The following CNTNAP2 variants were observed in gnomAD, a reference collection of about 807,000 sequenced individuals.
CNTNAP2 encodes contactin-associated protein-like 2.
Under a neutral mutation model 155.2 loss-of-function variants are expected in CNTNAP2, and 98 were observed. That is an observed-to-expected ratio of 0.63 (90% confidence interval 0.54 to 0.75). The LOEUF (loss-of-function observed/expected upper bound fraction) is 0.75, where lower values mean the gene tolerates loss of function less well. Ranked by LOEUF, CNTNAP2 falls within the 30% of genes least tolerant of loss-of-function variation. CNTNAP2 has a pLI of 0.00. For missense variants in CNTNAP2, 1,727 were observed against 1,688.1 expected (o/e 1.02, Z -0.40); for synonymous variants, 651 against 631.2 (o/e 1.03, Z -0.47).
At chr7:147,417,608 A>G (rs1289505982) in intron 10 of CNTNAP2, among the ~76,000 whole-genome samples, 2 of 152,246 alleles carry the variant, frequency 1.3e-5, no homozygotes, top group Admixed American at 6.5e-5. Flanking sequence ...GTTAAATTTT[A>G]GTTTTGGAAA....
intron 3 of CNTNAP2, among the ~76,000 whole-genome samples, chr7:146,904,645 G>A (rs892936374): frequency 6.6e-6 from 1 of 152,012 alleles, no homozygotes; most frequent in African/African-American, 2.4e-5. Context: ...CTAATTTTTT[G>A]TATTTTTAGT....
intron 3 of CNTNAP2, among the ~76,000 whole-genome samples, chr7:146,881,215 A>T (rs1203233710): frequency 6.6e-6 from 1 of 152,132 alleles, no homozygotes; most frequent in African/African-American, 2.4e-5. Flanking sequence ...CTACAGGAAA[A>T]GCCAATAAAA....
chr7:147,025,866 A>T (rs7807117), intron 3 of CNTNAP2, among the ~76,000 whole-genome samples: 9,403 of 94,612 alleles, frequency 0.099, 793 homozygotes, highest in African/African-American at 0.32. Context: ...TTTTTTTTTT[A>T]AATTTTTATA....
At chr7:146,267,814 G>A (rs937004148) in intron 1 of CNTNAP2, among the ~76,000 whole-genome samples, 3 of 152,122 alleles carry the variant, frequency 2.0e-5, no homozygotes, top group Admixed American at 6.5e-5. Flanking sequence ...TACTATGGGG[G>A]CATAAATCCT....
intron 8 of CNTNAP2, among the ~76,000 whole-genome samples, chr7:147,188,979 T>C (rs1802625548): frequency 6.6e-6 from 1 of 152,196 alleles, no homozygotes; most frequent in African/African-American, 2.4e-5. Flanking sequence ...TCCAAAATGA[T>C]TAATTACCAC....
chr7:146,760,662 C>A (rs1218126787), intron 1 of CNTNAP2, among the ~76,000 whole-genome samples: 1 of 151,666 alleles, frequency 6.6e-6, no homozygotes, highest in African/African-American at 2.4e-5. Context: ...TGAGCTCAAG[C>A]TATCTGCCTG....
chr7:146,784,126 A>G (rs1802534780), intron 2 of CNTNAP2, among the ~76,000 whole-genome samples: 1 of 152,130 alleles, frequency 6.6e-6, no homozygotes, highest in African/African-American at 2.4e-5. Context: ...GAGTTTTTCA[A>G]TTTTGGACTT....
intron 17 of CNTNAP2, among the ~76,000 whole-genome samples, chr7:148,168,051 G>A (rs977037903): frequency 1.4e-4 from 22 of 152,052 alleles, no homozygotes; most frequent in African/African-American, 5.1e-4. Flanking sequence ...TCATTAAAAA[G>A]TCAGGAAACA....
intron 9 of CNTNAP2, among the ~76,000 whole-genome samples, chr7:147,366,842 A>G (rs572422520): frequency 1.3e-5 from 2 of 151,876 alleles, no homozygotes; most frequent in African/African-American, 4.8e-5. Context: ...TTCTAATATA[A>G]TTGCATTATA....
chr7:147,395,205 C>T (rs1796792794), intron 9 of CNTNAP2, among the ~76,000 whole-genome samples: 1 of 151,822 alleles, frequency 6.6e-6, no homozygotes, highest in African/African-American at 2.4e-5. Flanking sequence ...ATCAAAGAAA[C>T]AAGAAGAAGA....
intron 1 of CNTNAP2, among the ~76,000 whole-genome samples, chr7:146,247,121 A>G (rs1799673072): frequency 6.6e-6 from 1 of 152,152 alleles, no homozygotes; most frequent in Non-Finnish European, 1.5e-5. Flanking sequence ...TTGACCTTTC[A>G]GGGTCTAGGG....
chr7:147,364,804 G>A (rs1270734070), intron 9 of CNTNAP2, among the ~76,000 whole-genome samples: 3 of 151,530 alleles, frequency 2.0e-5, no homozygotes, highest in African/African-American at 7.3e-5. Context: ...AGCCGAGATC[G>A]CGCCACTGCA....
intron 20 of CNTNAP2, among the ~76,000 whole-genome samples, chr7:148,242,839 T>C (rs1350084914): frequency 6.6e-6 from 1 of 152,250 alleles, no homozygotes; most frequent in East Asian, 1.9e-4. Context: ...AGTGCACAAA[T>C]TCTTCCTGCT....
intron 1 of CNTNAP2, among the ~76,000 whole-genome samples, chr7:146,626,188 CAAT>C (rs1425537951): frequency 6.6e-6 from 1 of 152,016 alleles, no homozygotes; most frequent in African/African-American, 2.4e-5. Flanking sequence ...AACACATTAA[CAAT>C]AATGTTTACT....
At chr7:147,406,654 G>A (rs1265150560) in intron 10 of CNTNAP2, among the ~76,000 whole-genome samples, 1 of 152,140 alleles carries the variant, frequency 6.6e-6, no homozygotes, top group Non-Finnish European at 1.5e-5. Context: ...AGGAATATTA[G>A]AGTCTGAATC....
chr7:146,689,286 G>T (rs181164765), intron 1 of CNTNAP2, among the ~76,000 whole-genome samples: 2 of 151,976 alleles, frequency 1.3e-5, no homozygotes, highest in East Asian at 3.9e-4. Flanking sequence ...ATTAAGATAG[G>T]GGTTATCAAG....
intron 2 of CNTNAP2, among the ~76,000 whole-genome samples, chr7:146,821,301 A>G (rs1452289261): frequency 6.6e-6 from 1 of 152,138 alleles, no homozygotes; most frequent in African/African-American, 2.4e-5. Flanking sequence ...AGTGGCTGGT[A>G]CCAGTTGTTC....
intron 13 of CNTNAP2, among the ~76,000 whole-genome samples, chr7:147,890,212 C>A (rs1247055665): frequency 6.6e-6 from 1 of 152,048 alleles, no homozygotes; most frequent in Non-Finnish European, 1.5e-5. Flanking sequence ...AAAATTAGTG[C>A]ATATTATCAA....
chr7:147,882,895 G>A (rs1316563250), intron 13 of CNTNAP2, among the ~76,000 whole-genome samples: 1 of 152,166 alleles, frequency 6.6e-6, no homozygotes, highest in Non-Finnish European at 1.5e-5. Context: ...AATTTGGTTT[G>A]ACAAATATAT....
Sources: allele counts gnomAD v4.1 joint callset (sites outside exome capture counted in the v4.1 genomes callset), GRCh38; gene constraint gnomAD v4.1.1; transcripts MANE v1.5; gene names NCBI Gene and HGNC (gene_info 2026-07-23, HGNC 2026-07-21).